Variants in SERPINA12 observed in about 807,000 individuals in gnomAD.
SERPINA12 encodes the protein serpin family A member 12, also known as serpin A12.
SERPINA12 carries 21 observed loss-of-function variants against 25.9 expected under a neutral mutation model. That is an observed-to-expected ratio of 0.81 (90% CI 0.58 to 1.17). The LOEUF is 1.17. Ranked by LOEUF, SERPINA12 falls within the 50% of genes most tolerant of loss-of-function variation. SERPINA12 has a pLI of 0.00. For missense variants in SERPINA12, 562 were observed against 508.3 expected (o/e 1.11, Z -1.02); for synonymous variants, 220 against 196.0 (o/e 1.12, Z -1.02).
At chr14:94,488,433 C>T (rs1380535961) in intron 4 of SERPINA12, among the ~76,000 whole-genome samples, 9 of 151,714 alleles carry the variant, frequency 5.9e-5, no homozygotes, top group African/African-American at 7.3e-5. Context: ...CACCCATCCC[C>T]GCACCCATCT....
At chr14:94,511,747 A>G, upstream of SERPINA12, 1 of 982,486 alleles carries the variant, frequency 1.0e-6, no homozygotes, top group Non-Finnish European at 1.2e-6. Context: ...ATAATGTACC[A>G]GGCAGCAAGC....
chr14:94,489,155 G>A (rs1003622705), intron 4 of SERPINA12, among the ~76,000 whole-genome samples: 9 of 138,620 alleles, frequency 6.5e-5, no homozygotes, highest in Middle Eastern at 3.7e-3. Context: ...GAGAGAGAAA[G>A]AAAGAAAGAA....
intron 1 of SERPINA12, among the ~76,000 whole-genome samples, chr14:94,502,786 G>A (rs1412466111): frequency 2.0e-5 from 3 of 152,238 alleles, no homozygotes; most frequent in Non-Finnish European, 4.4e-5. Flanking sequence ...CCAACAGAGC[G>A]AGCTTCAGGC....
intron 1 of SERPINA12, among the ~76,000 whole-genome samples, chr14:94,501,271 A>T (rs747579615): frequency 1.3e-5 from 2 of 152,170 alleles, no homozygotes; most frequent in Non-Finnish European, 2.9e-5. Flanking sequence ...AAGTTAAGAC[A>T]TGTCCCTTGA....
chr14:94,501,994 G>A (rs548008979), intron 1 of SERPINA12, among the ~76,000 whole-genome samples: 5 of 151,878 alleles, frequency 3.3e-5, no homozygotes, highest in Admixed American at 3.3e-4. Context: ...CTCCTGAGTT[G>A]AGCAATTGTT....
At chr14:94,501,453 T>C (rs906281852) in intron 1 of SERPINA12, among the ~76,000 whole-genome samples, 1 of 152,172 alleles carries the variant, frequency 6.6e-6, no homozygotes, top group African/African-American at 2.4e-5. Context: ...TCCCTAAACA[T>C]TGTCAAGTTT....
rs1188014581 is a variant in SERPINA12, at chr14:94,497,984, C to T, written c.414G>A (p.Leu138=). Reference sequence around the variant, plus strand: ...GTGGCTGCAGCCTCTGGTCAATGAACAGCGTGTTCCCAATGCTCAGTTTGA... The same window carrying T: ...GTGGCTGCAGCCTCTGGTCAATGAATAGCGTGTTCCCAATGCTCAGTTTGA... ...QDLKLSIGNT[L]FIDQRLQPQR... is the part of the protein sequence containing the mutation. The change falls in exon 2 of 5, where the codon CTG becomes CTA. Residue 138 remains leucine (L), a synonymous_variant. Transcript: ENST00000677451. The T allele has an allele frequency of 6.2e-7, 1 of 1,614,166 alleles. No homozygotes were observed. The highest frequency in any genetic ancestry group is 1.7e-5 in the Admixed American group (1 of 60,016).
At chr14:94,507,547 A>T (rs535255957) in intron 1 of SERPINA12, among the ~76,000 whole-genome samples, 1 of 152,366 alleles carries the variant, frequency 6.6e-6, no homozygotes, top group East Asian at 1.9e-4. Flanking sequence ...ACATGAACAA[A>T]TACTTCACAA....
At chr14:94,508,847 C>G (rs1901023610) in intron 1 of SERPINA12, among the ~76,000 whole-genome samples, 1 of 152,130 alleles carries the variant, frequency 6.6e-6, no homozygotes, top group Admixed American at 6.5e-5. Flanking sequence ...TGGGGGCCAG[C>G]TTTGATTTTC....
intron 3 of SERPINA12, among the ~76,000 whole-genome samples, chr14:94,494,039 C>A (rs989486832): frequency 5.9e-5 from 9 of 152,158 alleles, no homozygotes; most frequent in African/African-American, 1.7e-4. Flanking sequence ...GTGGAGTGCA[C>A]TCAGGACAGT....
At chr14:94,512,829 A>C (rs1171579788), upstream of SERPINA12, among the ~76,000 whole-genome samples, 3 of 152,288 alleles carry the variant, frequency 2.0e-5, no homozygotes, top group East Asian at 5.8e-4. Context: ...GCTATTATAT[A>C]GTTAAGGATG....
intron 1 of SERPINA12, among the ~76,000 whole-genome samples, chr14:94,505,469 C>T (rs1361423834): frequency 2.0e-5 from 3 of 152,156 alleles, no homozygotes; most frequent in East Asian, 1.9e-4. Flanking sequence ...ATGTGAACGG[C>T]GAGATGAGAG....
upstream of SERPINA12, chr14:94,511,303 C>G (rs1190674365): frequency 1.8e-6 from 1 of 558,040 alleles, no homozygotes; most frequent in South Asian, 7.9e-5. Context: ...TGTGAGGGAC[C>G]ATTGTCACAC....
chr14:94,514,190 CTAT>C (rs2139868258), upstream of SERPINA12, among the ~76,000 whole-genome samples: 1 of 152,342 alleles, frequency 6.6e-6, no homozygotes, highest in South Asian at 2.1e-4. Context: ...TTATCAATCA[CTAT>C]TATTCTTATC....
chr14:94,498,167 C>A lies in SERPINA12; in HGVS notation c.231G>T (p.Leu77Phe), dbSNP rs764574338. The change falls in exon 2 of 5, where the codon TTG becomes TTT. Residue 77 changes from leucine (L) to phenylalanine (F), a missense_variant. Coordinates refer to ENST00000677451, the MANE Select transcript of SERPINA12 (RefSeq NM_001382267.1). ...GCATGGAGAAAGCTGTAGAGATGCT[C>A]AAGGGGGATAGGAAGATGTTCCTGC... is the stretch of plus-strand genomic sequence containing the variant. ...NPGRNIFLSP[L>F]SISTAFSMLC... The A allele has an allele frequency of 6.2e-7, 1 of 1,614,126 alleles. No homozygotes were observed. The highest frequency in any genetic ancestry group is 8.5e-7 in the Non-Finnish European group (1 of 1,180,038).
In SERPINA12 at chr14:94,489,693, C is replaced by G. The variant is rs142210723; in HGVS notation, c.980G>C (p.Gly327Ala). ...ATGTTCCTCAAAGATTTTGGAGACACCTATGTAGGAGAGAGTCTTCTTCAG... is the reference window on the plus strand; with the variant it reads ...ATGTTCCTCAAAGATTTTGGAGACAGCTATGTAGGAGAGAGTCTTCTTCAG... ...FDLKKTLSYIGVSKIFEEHGD... is the reference protein window; with the variant it reads ...FDLKKTLSYIAVSKIFEEHGD... Residue 327 changes from glycine to alanine, a missense_variant, in exon 4 of 5, where the codon GGT (glycine) becomes GCT (alanine). By Grantham distance (60) the Gly-to-Ala change is moderately conservative. Transcript: ENST00000677451. 6.2e-7 allele frequency: 1 copy of G among 1,614,156 alleles called. No homozygotes were observed. Among genetic ancestry groups the G allele is most frequent in the East Asian group, 2.2e-5 (1 of 44,870 alleles).
intron 1 of SERPINA12, chr14:94,500,942 C>G: frequency 3.1e-6 from 3 of 982,598 alleles, no homozygotes; most frequent in Non-Finnish European, 3.6e-6. Flanking sequence ...CTCATGCCTT[C>G]GTAGCTGTGT....
At chr14:94,513,423 A>G (rs77885669), upstream of SERPINA12, among the ~76,000 whole-genome samples, 1 of 152,348 alleles carries the variant, frequency 6.6e-6, no homozygotes, top group East Asian at 1.9e-4. Flanking sequence ...GAGAGCGGGA[A>G]AAGACTATAG....
chr14:94,490,688 T>A (rs1343595504), intron 3 of SERPINA12, among the ~76,000 whole-genome samples: 2 of 151,932 alleles, frequency 1.3e-5, no homozygotes, highest in Non-Finnish European at 2.9e-5. Context: ...CTATCTCCAC[T>A]CCCTCCCACA....
Sources: gnomAD v4.1 joint callset for allele counts (sites outside exome capture counted in the v4.1 genomes callset) on GRCh38, gnomAD v4.1.1 for gene constraint, MANE v1.5 for transcripts, NCBI Gene and HGNC (gene_info 2026-07-23, HGNC 2026-07-21) for gene names.